The following PFKFB4 variants were observed in gnomAD, a reference collection of about 807,000 sequenced individuals.
PFKFB4 encodes the protein 6-phosphofructo-2-kinase/fructose-2,6-bisphosphatase 4.
A neutral mutation model predicts 62.8 loss-of-function variants in PFKFB4; 42 were observed. The observed-to-expected ratio is 0.67, with a 90% CI of 0.52 to 0.86. PFKFB4 has a LOEUF of 0.86. PFKFB4 is among the 40% of genes least tolerant of loss of function. The probability of loss-of-function intolerance (pLI) is 0.00; values close to 1 mark genes in which losing one functional copy is unlikely to be tolerated. For synonymous variants in PFKFB4, 204 were observed against 240.7 expected (o/e 0.85, Z 1.41); for missense variants, 475 against 627.2 (o/e 0.76, Z 2.59).
upstream of PFKFB4, among the ~76,000 whole-genome samples, chr3:48,558,660 G>C (rs540659901): frequency 6.6e-6 from 1 of 152,314 alleles, no homozygotes; most frequent in South Asian, 2.1e-4. Context: ...CCCCAAACCA[G>C]CTCTAGCTGC....
chr3:48,535,222 A>G (rs563834465), intron 9 of PFKFB4, among the ~76,000 whole-genome samples: 1 of 152,270 alleles, frequency 6.6e-6, no homozygotes, highest in South Asian at 2.1e-4. Flanking sequence ...GTGGCCGCTG[A>G]TTTCTTGTTG....
chr3:48,556,968 GCATGCCCAACTCACCTACCCGCC>G, upstream of PFKFB4: 25 of 1,391,724 alleles, frequency 1.8e-5, no homozygotes, highest in South Asian at 3.8e-4. This position sits in a 1 kb window ranked among gnomAD's most constrained non-coding sequence, Gnocchi z 5.7. Flanking sequence ...CTCCGACCAC[GCATGCCCAACTCACCTACCCGCC>G]CGTTTTGGAA....
At chr3:48,535,442 G>T in intron 9 of PFKFB4, 70 bp downstream of exon 9, 1 of 1,357,948 alleles carries the variant, frequency 7.4e-7, no homozygotes, top group Non-Finnish European at 1.0e-6. Context: ...AATGGTCACT[G>T]TTGTTACAAT....
upstream of PFKFB4, chr3:48,562,825 G>A (rs747293529): frequency 1.9e-6 from 3 of 1,574,706 alleles, no homozygotes; most frequent in Non-Finnish European, 2.6e-6. This position sits in a 1 kb window ranked among gnomAD's most constrained non-coding sequence, Gnocchi z 4.3. Context: ...GGGCGTTGGT[G>A]GTGGCCTGCT....
intron 4 of PFKFB4, among the ~76,000 whole-genome samples, chr3:48,540,790 T>C (rs2107544003): frequency 6.6e-6 from 1 of 150,882 alleles, no homozygotes; most frequent in South Asian, 2.1e-4. Flanking sequence ...TTTTTTTTTT[T>C]TTGAGACAGA....
rs1196117791 is a variant in PFKFB4, at chr3:48,522,194, G to A, written c.1286-144C>T. 4.1e-6 allele frequency: 3 copies of A among 723,076 alleles called. No homozygotes were observed. In the East Asian group the frequency reaches 8.0e-5, roughly 19 times the overall value. The allele number at this position is 723,076 out of a possible 1,614,324, so 44.8% of individuals were successfully genotyped here. The stretch of plus-strand genomic sequence containing the variant: ...CACTCTAGTTCTTCCACTTTAGGCA[G>A]CTCTGGGGAGCCCCGGGAGGAAGGA... On this transcript the variant is annotated intron_variant, in intron 12 of 13. Transcript: ENST00000232375.
upstream of PFKFB4, chr3:48,563,070 C>T (rs756392975): frequency 6.2e-7 from 1 of 1,611,976 alleles, no homozygotes; most frequent in East Asian, 2.2e-5. This position sits in a 1 kb window ranked among gnomAD's most constrained non-coding sequence, Gnocchi z 4.5. Context: ...ACTGGGACAA[C>T]CAGGACTCTG....
intron 5 of PFKFB4, 93 bp downstream of exon 5, chr3:48,539,604 T>C (rs1243575006): frequency 3.1e-5 from 33 of 1,053,424 alleles, no homozygotes; most frequent in Non-Finnish European, 4.9e-5. Context: ...GCCAGCCCCA[T>C]GCCCCTCATG....
intron 10 of PFKFB4, among the ~76,000 whole-genome samples, chr3:48,524,051 C>T (rs567418756): frequency 3.3e-5 from 5 of 152,304 alleles, no homozygotes; most frequent in East Asian, 3.9e-4. Flanking sequence ...GGATTGAGAG[C>T]GCAGAGCTAG....
chr3:48,538,609 A>G lies in PFKFB4; in HGVS notation c.521T>C (p.Leu174Pro), dbSNP rs2042703616. The G allele has an allele frequency of 6.2e-7, 1 of 1,614,188 alleles. No homozygotes were observed. Among genetic ancestry groups the G allele is most frequent in the South Asian group, 1.1e-5 (1 of 91,086 alleles). The change falls in exon 7 of 14, where the codon CTG becomes CCG. Residue 174 changes from leucine (L) to proline (P), a missense_variant. Coordinates refer to ENST00000232375, the MANE Select transcript of PFKFB4 (RefSeq NM_004567.4). ...VIAANIVQVK[L>P]GSPDYVNRDS... is the part of the protein sequence containing the mutation. ...GCGGTTGACATAGTCAGGGCTGCCC[A>G]GTTTCACTTGCTGCCGGAGCCAGGC...
At chr3:48,539,109 G>A (rs2042721982) in intron 6 of PFKFB4, 145 bp downstream of exon 6, 3 of 704,326 alleles carry the variant, frequency 4.3e-6, no homozygotes, top group African/African-American at 1.7e-5. Context: ...ATCCACAGAG[G>A]GCGAGGCATA....
intron 6 of PFKFB4, 92 bp from the exon 7 acceptor site, chr3:48,538,711 G>A: frequency 6.4e-7 from 1 of 1,551,318 alleles, no homozygotes; most frequent in Non-Finnish European, 8.8e-7. Context: ...GGGGCTGGAG[G>A]AGGTTGCACC....
upstream of PFKFB4, chr3:48,556,954 C>G (rs986621016): frequency 1.4e-6 from 2 of 1,394,544 alleles, no homozygotes; most frequent in Non-Finnish European, 1.9e-6. This position sits in a 1 kb window ranked among gnomAD's most constrained non-coding sequence, Gnocchi z 5.7. Context: ...GAAAGGGGCC[C>G]GGCCTCCGAC....
intron 3 of PFKFB4, among the ~76,000 whole-genome samples, chr3:48,545,927 G>A (rs1439645930): frequency 6.6e-6 from 1 of 152,178 alleles, no homozygotes; most frequent in African/African-American, 2.4e-5. Flanking sequence ...TCTCTTTTGT[G>A]GGCTGCTCTG....
At chr3:48,535,137 C>T (rs965048829) in intron 9 of PFKFB4, among the ~76,000 whole-genome samples, 18 of 152,118 alleles carry the variant, frequency 1.2e-4, no homozygotes, top group African/African-American at 3.1e-4. Flanking sequence ...AGACAAAGGC[C>T]GTGCTGGTTC....
At chr3:48,541,687 C>T (rs1006741406) in intron 4 of PFKFB4, among the ~76,000 whole-genome samples, 1 of 152,066 alleles carries the variant, frequency 6.6e-6, no homozygotes, top group Non-Finnish European at 1.5e-5. Context: ...AAATTTGGGC[C>T]GGGTGCAGTG....
At chr3:48,547,783 C>T (rs1448789694) in intron 3 of PFKFB4, 2 of 152,254 alleles carry the variant, frequency 1.3e-5, no homozygotes, top group African/African-American at 2.4e-5. Flanking sequence ...CTTGCACGCA[C>T]TTTTCTAGAT....
chr3:48,539,561 C>G (rs549591403), intron 5 of PFKFB4, 136 bp downstream of exon 5: 1 of 809,346 alleles, frequency 1.2e-6, no homozygotes, highest in East Asian at 2.5e-5. Flanking sequence ...GTGGAGACAG[C>G]CCCTCTCATC....
chr3:48,553,784 G>A (rs1044644425), intron 1 of PFKFB4, among the ~76,000 whole-genome samples: 6 of 152,182 alleles, frequency 3.9e-5, no homozygotes, highest in Middle Eastern at 3.2e-3. Flanking sequence ...ATAAAGTAAC[G>A]TGCCATGGAG....
Sources: gnomAD v4.1 joint callset for allele counts (sites outside exome capture counted in the v4.1 genomes callset) on GRCh38, gnomAD v4.1.1 for gene constraint, Gnocchi (gnomAD v3.1) non-coding constraint, MANE v1.5 for transcripts, NCBI Gene and HGNC (gene_info 2026-07-23, HGNC 2026-07-21) for gene names.